COL6A3: variants seen among roughly 807,000 people sequenced by gnomAD.
The protein encoded by COL6A3 is collagen alpha-3(VI) chain.
A neutral mutation model predicts 274.1 loss-of-function variants in COL6A3; 137 were observed. That is an observed-to-expected ratio of 0.50 (90% CI 0.44 to 0.58). The LOEUF is 0.58. COL6A3 is among the 20% of genes least tolerant of loss of function. The pLI is 0.00. For missense variants in COL6A3, 3,950 were observed against 4,124.9 expected, an observed-to-expected ratio of 0.96 and a Z score of 1.16; for synonymous variants, 1,650 against 1,650.6, an observed-to-expected ratio of 1.00 and a Z score of 0.01.
rs2077577737 is a variant in COL6A3 at position 237,367,271 on chromosome 2, T to C, written c.4916A>G (p.Asp1639Gly). Residue 1639 changes from aspartate (D) to glycine (G), a missense_variant, in exon 11 of 44, where the codon GAC becomes GGC. Transcript: ENST00000295550. ...PPSRPEKKKA[D>G]IVFLLDGSIN... ...GGAACCATCCAACAGGAACACAATG[T>C]CTGCTTTCTTCTTCTCTAGAAGTGA... 6.2e-7 allele frequency: 1 copy of C among 1,613,484 alleles called. No homozygotes were observed. The highest frequency in any genetic ancestry group is 1.7e-5 in the Admixed American group (1 of 59,950).
chr2:237,379,352 G>A (rs562597332), intron 5 of COL6A3, 117 bp from the exon 6 acceptor site: 4 of 1,257,382 alleles, frequency 3.2e-6, no homozygotes, highest in Non-Finnish European at 4.6e-6. Flanking sequence ...AGTCAGCATG[G>A]CAAAGCATGT....
chr2:237,324,913 GAC>G (rs1349578463), intron 43 of COL6A3, 99 bp from the exon 44 acceptor site: 32 of 1,233,916 alleles, frequency 2.6e-5, no homozygotes, highest in Non-Finnish European at 3.7e-5. Context: ...TCATTATCAT[GAC>G]ACAGTCCCGC....
At position 237,361,021 on chromosome 2, in the gene COL6A3, C is replaced by A; in HGVS notation, c.6210+100G>T. ...TTAATTTTTCTCCCAAAGGGAAAGC[C>A]ATCAGCAACTGAACAAATGATGAAA... On this transcript the variant is annotated intron_variant, in intron 16 of 43. Transcript: ENST00000295550. This position sits in a 1 kb window ranked among gnomAD's most constrained non-coding sequence, Gnocchi z 5.1. 1.0e-6 allele frequency: 1 copy of A among 993,816 alleles called. No homozygotes were observed. The allele number at this position is 993,816 out of a possible 1,614,324, so 61.6% of individuals were successfully genotyped here. A position where few individuals can be genotyped will look rare whatever the true frequency, so the allele number is the denominator to read the frequency against.
intron 3 of COL6A3, among the ~76,000 whole-genome samples, chr2:237,391,508 T>TTGTG (rs1401115071): frequency 4.1e-4 from 16 of 38,596 alleles, no homozygotes; most frequent in Admixed American, 1.5e-3. Flanking sequence ...CTTTCACTGT[T>TTGTG]TGTTTGTTTG....
intron 1 of COL6A3, among the ~76,000 whole-genome samples, chr2:237,397,859 T>A (rs1210166403): frequency 6.6e-6 from 1 of 152,226 alleles, no homozygotes; most frequent in Admixed American, 6.5e-5. Flanking sequence ...TGGCCACAGC[T>A]AAAAAGCTAT....
chr2:237,356,368 A>C (rs1574970034), intron 23 of COL6A3, among the ~76,000 whole-genome samples: 1 of 152,198 alleles, frequency 6.6e-6, no homozygotes, highest in East Asian at 1.9e-4. Context: ...ATTAAAAATA[A>C]ATAAATAAAT....
chr2:237,367,327 C>T, intron 10 of COL6A3, 41 bp from the exon 11 acceptor site: 1 of 1,589,748 alleles, frequency 6.3e-7, no homozygotes, highest in Non-Finnish European at 8.5e-7. Context: ...GATTAGGTTT[C>T]CAGACCCAGA....
At chr2:237,332,949 GAC>G (rs2106309822) in intron 42 of COL6A3, 1 of 203,968 alleles carries the variant, frequency 4.9e-6, no homozygotes, top group East Asian at 1.0e-4. Context: ...GCACATGAGA[GAC>G]AGTATCACAG....
chr2:237,395,079 C>A lies in COL6A3; in HGVS notation c.217G>T (p.Glu73Ter). 6.2e-7 allele frequency: 1 copy of A among 1,614,132 alleles called. No individual in the cohort carries two copies. The highest frequency in any genetic ancestry group is 8.5e-7 in the Non-Finnish European group (1 of 1,180,026). ...ACCAGAGCAAAATGGAAATCATTTTCTCCCACAGCTAAGGATTTTACAACA... is the reference window on the plus strand; with the variant it reads ...ACCAGAGCAAAATGGAAATCATTTTATCCCACAGCTAAGGATTTTACAACA... ...YDVVKSLAVG[E>*]NDFHFALVQF... The change falls in exon 3 of 44, where the codon GAA becomes TAA. Residue 73 changes from glutamate (E) to a stop codon, truncating the protein, a stop_gained. Coordinates refer to ENST00000295550, the MANE Select transcript of COL6A3 (RefSeq NM_004369.4). LOFTEE classifies it high-confidence loss of function.
chr2:237,329,484 G>T (rs1250311615), intron 42 of COL6A3: 1 of 152,178 alleles, frequency 6.6e-6, no homozygotes, highest in African/African-American at 2.4e-5. Context: ...ACCCACACAT[G>T]ACAACTAACC....
At position 237,367,302 on chromosome 2, in the gene COL6A3, G is replaced by A; in HGVS notation, c.4901-16C>T. ...TTCTTCTTCTCTAGAAGTGATTAAA[G>A]TGAAAATAAGGAGAGATTAGGTTTC... On this transcript the variant is annotated splice_polypyrimidine_tract_variant and intron_variant, in intron 10 of 43. Coordinates refer to ENST00000295550, the MANE Select transcript of COL6A3 (RefSeq NM_004369.4). 6.2e-7 allele frequency: 1 copy of A among 1,607,968 alleles called. No homozygotes were observed. Among genetic ancestry groups the A allele is most frequent in the Non-Finnish European group, 8.5e-7 (1 of 1,177,484 alleles).
rs199632952 is a variant in COL6A3 at position 237,394,830 on chromosome 2, C to A, written c.466G>T (p.Asp156Tyr). Residue 156 changes from aspartate to tyrosine, a missense_variant, in exon 3 of 44, where the codon GAT becomes TAT. Asp to Tyr is a radical substitution (Grantham distance 160). Around this residue, in one of 5 missense-constraint regions of COL6A3, gnomAD observed 1,934 missense variants for 1,984.3 expected, o/e 0.97. Transcript: ENST00000295550. ...TCCGCTGAGGGCAGAGCAAGGCCAT[C>A]CTTCGAGTGTCCATCAGTTAACACT... ...IVVLTDGHSKDGLALPSAELK... is the reference protein window; with the variant it reads ...IVVLTDGHSKYGLALPSAELK... 104 of 1,614,130 alleles carry A rather than the reference C, an allele frequency of 6.4e-5. No homozygotes were observed. In the East Asian group the frequency reaches 1.9e-3, roughly 30 times the overall value.
In COL6A3 at chr2:237,361,255, A is replaced by G; in HGVS notation, c.6157-81T>C. ...GTAAGAATCCCTGTGGTCCCCCTTC[A>G]TTTGGCAGAGCAGCACTAAAACTCA... On this transcript the variant is annotated intron_variant, in intron 15 of 43. Coordinates refer to ENST00000295550, the MANE Select transcript of COL6A3 (RefSeq NM_004369.4). This position sits in a 1 kb window ranked among gnomAD's most constrained non-coding sequence, Gnocchi z 5.1. 7.6e-7 allele frequency: 1 copy of G among 1,307,604 alleles called. No homozygotes were observed. Among genetic ancestry groups the G allele is most frequent in the Admixed American group, 1.7e-5 (1 of 58,780 alleles). The allele number at this position is 1,307,604 out of a possible 1,614,324, so 81.0% of individuals were successfully genotyped here.
At position 237,374,747 on chromosome 2, in the gene COL6A3, A is replaced by G. The variant is rs1450334212; in HGVS notation, c.3344T>C (p.Val1115Ala). Residue 1115 changes from valine (V) to alanine (A), a missense_variant, in exon 8 of 44, where the codon GTC becomes GCC. By Grantham distance (64) the Val-to-Ala change is moderately conservative (BLOSUM62 0). This residue lies in a region of COL6A3 where 1,934 missense variants were observed against 1,984.3 expected (regional missense o/e 0.97). Coordinates refer to ENST00000295550, the MANE Select transcript of COL6A3 (RefSeq NM_004369.4). The surrounding 1 kb of genome is among the most constrained non-coding windows in gnomAD (Gnocchi z 4.8). ...TPNTGAALEF[V>A]LRNILVSSAG... ...AGAGCTGACCAGGATGTTCCTCAGG[A>G]CAAACTCCAGGGCGGCCCCGGTGTT... is the stretch of plus-strand genomic sequence containing the variant. 1 of 1,613,782 alleles carries G rather than the reference A, an allele frequency of 6.2e-7. No homozygotes were observed. The highest frequency in any genetic ancestry group is 1.1e-5 in the South Asian group (1 of 91,068).
chr2:237,351,036 A>T, intron 27 of COL6A3, 94 bp downstream of exon 27: 1 of 1,207,794 alleles, frequency 8.3e-7, no homozygotes, highest in Non-Finnish European at 1.2e-6. Context: ...AGTACTGAAG[A>T]GGAGGGACAG....
At position 237,364,214 on chromosome 2, in the gene COL6A3, G is replaced by C. The variant is rs762750889; in HGVS notation, c.5917+136C>G. On this transcript the variant is annotated intron_variant, in intron 13 of 43. Transcript: ENST00000295550. The surrounding 1 kb of genome is among the most constrained non-coding windows in gnomAD (Gnocchi z 4.6). ...CAAGCAGGTGATGAAGGGCCACAAC[G>C]CTGGGAGGAAGAGTCTCCCAAGACA... is the stretch of plus-strand genomic sequence containing the variant. The C allele has an allele frequency of 6.8e-6, 5 of 740,204 alleles. No individual in the cohort carries two copies. The highest frequency in any genetic ancestry group is 1.2e-5 in the Non-Finnish European group (5 of 418,228). The allele number at this position is 740,204 out of a possible 1,614,324, so 45.9% of individuals were successfully genotyped here.
At chr2:237,402,655 T>G (rs556987561) in intron 1 of COL6A3, among the ~76,000 whole-genome samples, 1 of 151,974 alleles carries the variant, frequency 6.6e-6, no homozygotes, top group Admixed American at 6.6e-5. Context: ...AAGAAAAGAG[T>G]ATATGTCATG....
chr2:237,331,298 T>C (rs1700211520), intron 42 of COL6A3, among the ~76,000 whole-genome samples: 1 of 152,106 alleles, frequency 6.6e-6, no homozygotes, highest in Non-Finnish European at 1.5e-5. Context: ...TGTCACTCCT[T>C]TTCCTATATC....
Position 237,346,495 on chromosome 2 carries a change from A to G in COL6A3, c.7092+8T>C. ...AGGTGGCCGGGTCAGAACTGGATAAATACTTACAGCTGGTCCTGGGTAGCC... is the reference window on the plus strand; with the variant it reads ...AGGTGGCCGGGTCAGAACTGGATAAGTACTTACAGCTGGTCCTGGGTAGCC... On this transcript the variant is annotated splice_region_variant and intron_variant, in intron 32 of 43. Coordinates refer to ENST00000295550, the MANE Select transcript of COL6A3 (RefSeq NM_004369.4). The G allele has an allele frequency of 1.2e-6, 2 of 1,613,820 alleles. No homozygotes were observed. The highest frequency in any genetic ancestry group is 8.5e-7 in the Non-Finnish European group (1 of 1,179,798).
Sources: gnomAD v4.1 joint callset for allele counts (sites outside exome capture counted in the v4.1 genomes callset) on GRCh38, gnomAD v4.1.1 for gene constraint, gnomAD v4.1.1 regional missense constraint, Gnocchi (gnomAD v3.1) non-coding constraint, MANE v1.5 for transcripts, NCBI Gene and HGNC (gene_info 2026-07-23, HGNC 2026-07-21) for gene names.